ART3: variants seen among roughly 807,000 people sequenced by gnomAD.
ART3 encodes ADP-ribosyltransferase 3 (inactive).
A neutral mutation model predicts 48.5 loss-of-function variants in ART3; 49 were observed. The ratio of observed to expected loss-of-function variants is 1.01; its 90% CI spans 0.80 to 1.28. ART3 has a LOEUF of 1.28. Ranked by LOEUF, ART3 falls within the 50% of genes most tolerant of loss-of-function variation. The pLI is 0.00. For synonymous variants in ART3, 145 were observed against 157.2 expected (o/e 0.92, Z 0.58); for missense variants, 438 against 454.3 (o/e 0.96, Z 0.33).
chr4:76,087,266 G>C (rs1343895198), intron 3 of ART3, among the ~76,000 whole-genome samples: 1 of 152,108 alleles, frequency 6.6e-6, no homozygotes, highest in Non-Finnish European at 1.5e-5. Flanking sequence ...GAGAAGTGCG[G>C]GTCATTGTGG....
At chr4:76,064,965 G>C (rs1396684360) in intron 1 of ART3, among the ~76,000 whole-genome samples, 1 of 151,964 alleles carries the variant, frequency 6.6e-6, no homozygotes, top group African/African-American at 2.4e-5. Flanking sequence ...CTGAGTAGCT[G>C]GGATTACAGG....
chr4:76,045,244 A>G (rs1578302642), intron 1 of ART3, among the ~76,000 whole-genome samples: 2 of 152,060 alleles, frequency 1.3e-5, no homozygotes, highest in African/African-American at 2.4e-5. Context: ...AGTCTGGACT[A>G]TAATTTGTTG....
chr4:76,046,801 AT>A (rs1735547461), intron 1 of ART3, among the ~76,000 whole-genome samples: 1 of 152,076 alleles, frequency 6.6e-6, no homozygotes, highest in Admixed American at 6.6e-5. Flanking sequence ...AAGTCTCTCA[AT>A]TACAACTGAG....
chr4:76,068,248 C>T (rs1719937800), intron 1 of ART3, among the ~76,000 whole-genome samples: 1 of 152,126 alleles, frequency 6.6e-6, no homozygotes, highest in Non-Finnish European at 1.5e-5. Flanking sequence ...CATCATGTAA[C>T]ATCTACTACA....
In ART3 at chr4:76,097,647, T is replaced by G; in HGVS notation, c.785T>G (p.Leu262Arg). 5 of 1,607,470 alleles carry G rather than the reference T, an allele frequency of 3.1e-6. No individual in the cohort carries two copies. Among genetic ancestry groups the G allele is most frequent in the Non-Finnish European group, 4.3e-6 (5 of 1,174,172 alleles). ...SHYECAFLGGLKTENCIENLE... is the reference protein window; with the variant it reads ...SHYECAFLGGRKTENCIENLE... Reference sequence around the variant, plus strand: ...AAGCTTTATCTTTGTGTTTCAGGACTAAAAACCGAAAACTGTATTGAGAAC... The same window carrying G: ...AAGCTTTATCTTTGTGTTTCAGGACGAAAAACCGAAAACTGTATTGAGAAC... The change falls in exon 4 of 12, where the codon CTA becomes CGA. Residue 262 changes from leucine to arginine, a missense_variant. By Grantham distance (102) the Leu-to-Arg change is moderately radical. Coordinates refer to ENST00000355810, the MANE Select transcript of ART3 (RefSeq NM_001130016.3).
At chr4:76,084,132 C>T (rs1723064053) in intron 3 of ART3, among the ~76,000 whole-genome samples, 1 of 151,966 alleles carries the variant, frequency 6.6e-6, no homozygotes, top group Non-Finnish European at 1.5e-5. Context: ...TTCTTCTTTC[C>T]CCTGGATAAT....
chr4:76,045,480 G>A (rs912792132), intron 1 of ART3, among the ~76,000 whole-genome samples: 6 of 152,066 alleles, frequency 3.9e-5, no homozygotes, highest in African/African-American at 1.4e-4. Context: ...AGCCTCTGAC[G>A]CTAAGACAGC....
chr4:76,041,264 G>A (rs1391648698), intron 1 of ART3: 1 of 152,210 alleles, frequency 6.6e-6, no homozygotes, highest in Non-Finnish European at 1.5e-5. Flanking sequence ...GACATCACAT[G>A]AGGAAGATTA....
At chr4:76,034,903 C>T in intron 1 of ART3, 1 of 1,367,314 alleles carries the variant, frequency 7.3e-7, no homozygotes. Flanking sequence ...GAAGGGGAAG[C>T]TGTTACAACC....
rs753529047 is a variant in ART3, at chr4:76,084,825, A to G, written c.781+2290A>G. On this transcript the variant is annotated intron_variant, in intron 3 of 11. Coordinates refer to ENST00000355810, the MANE Select transcript of ART3 (RefSeq NM_001130016.3). Reference sequence around the variant, plus strand: ...ATTGTGAATGAACTATAAATACTTGAGGAGAAGCCATAGCTTTGGGCTTTC... The same window carrying G: ...ATTGTGAATGAACTATAAATACTTGGGGAGAAGCCATAGCTTTGGGCTTTC... 5.9e-5 allele frequency among the ~76,000 whole-genome samples: 9 copies of G among 152,330 alleles called. No individual in the cohort carries two copies. In the East Asian group the frequency reaches 1.5e-3, roughly 26 times the overall value.
intron 1 of ART3, among the ~76,000 whole-genome samples, chr4:76,059,930 A>G (rs1719045734): frequency 6.6e-6 from 1 of 152,218 alleles, no homozygotes; most frequent in South Asian, 2.1e-4. Flanking sequence ...TTGTGGGTTT[A>G]TATGGAAGAA....
intron 1 of ART3, among the ~76,000 whole-genome samples, chr4:76,062,467 T>C (rs1719317040): frequency 1.3e-5 from 2 of 152,232 alleles, no homozygotes; most frequent in South Asian, 2.1e-4. Context: ...TTATAAATTA[T>C]CGTTATTGCT....
intron 1 of ART3, chr4:76,033,778 T>C (rs1216126705): frequency 6.6e-6 from 1 of 152,192 alleles, no homozygotes; most frequent in Non-Finnish European, 1.5e-5. Context: ...TTACAGTATA[T>C]AGGCATGAAC....
At chr4:76,060,142 A>G (rs1184002184) in intron 1 of ART3, among the ~76,000 whole-genome samples, 2 of 152,172 alleles carry the variant, frequency 1.3e-5, no homozygotes, top group Admixed American at 1.3e-4. Context: ...AAGTCTAATT[A>G]ACATGTAAGA....
At chr4:76,068,780 G>A (rs1481935519) in intron 1 of ART3, among the ~76,000 whole-genome samples, 2 of 152,142 alleles carry the variant, frequency 1.3e-5, no homozygotes, top group East Asian at 3.8e-4. Context: ...GTACCCTTGA[G>A]CCTAAAATAA....
rs749578360 is a variant in ART3, at chr4:76,098,927, A to G, written c.815-28A>G. The G allele has an allele frequency of 4.4e-6, 7 of 1,581,504 alleles. No homozygotes were observed. In the Admixed American group the frequency reaches 8.3e-5, roughly 19 times the overall value. On this transcript the variant is annotated intron_variant, in intron 4 of 11. Coordinates refer to ENST00000355810, the MANE Select transcript of ART3 (RefSeq NM_001130016.3). ...GACATTCACATCTGAGCATAGTACC[A>G]TGTAATGAAAACATGTCTGTATTTC...
Position 76,100,844 on chromosome 4 carries a change from T to A in ART3, c.907+20T>A. 6.2e-7 allele frequency: 1 copy of A among 1,610,804 alleles called. No individual in the cohort carries two copies. Among genetic ancestry groups the A allele is most frequent in the Non-Finnish European group, 8.5e-7 (1 of 1,179,264 alleles). The stretch of plus-strand genomic sequence containing the variant: ...ACCATGGTAAGACATTTTTTATAAA[T>A]TCTGGGGGCTTACATTTTACAAGAT... On this transcript the variant is annotated intron_variant, in intron 7 of 11. Coordinates refer to ENST00000355810, the MANE Select transcript of ART3 (RefSeq NM_001130016.3).
At chr4:76,023,627 A>G in intron 1 of ART3, 1 of 508,810 alleles carries the variant, frequency 2.0e-6, no homozygotes. Flanking sequence ...CCCATGTTGC[A>G]GACTCGAAGG....
chr4:76,087,428 A>G (rs1723848673), intron 3 of ART3, among the ~76,000 whole-genome samples: 2 of 152,202 alleles, frequency 1.3e-5, no homozygotes, highest in African/African-American at 2.4e-5. Flanking sequence ...AAAGACAGGC[A>G]GTTTGAAACA....
Sources: gnomAD v4.1 joint callset for allele counts (sites outside exome capture counted in the v4.1 genomes callset) on GRCh38, gnomAD v4.1.1 for gene constraint, MANE v1.5 for transcripts, NCBI Gene and HGNC (gene_info 2026-07-23, HGNC 2026-07-21) for gene names.